The following ADAMTSL1 variants were observed in gnomAD, a reference collection of about 807,000 sequenced individuals.
The protein encoded by ADAMTSL1 is ADAMTS like 1, also known as ADAMTS-like protein 1.
ADAMTSL1 carries 126 observed loss-of-function variants against 201.8 expected under a neutral mutation model. The observed-to-expected ratio is 0.62, with a 90% confidence interval of 0.54 to 0.72. The LOEUF (loss-of-function observed/expected upper bound fraction) is 0.72, where lower values mean the gene tolerates loss of function less well. Ranked by LOEUF, ADAMTSL1 falls within the 30% of genes least tolerant of loss-of-function variation. The pLI, the probability that ADAMTSL1 is intolerant of heterozygous loss-of-function variation, is 0.00. For missense variants in ADAMTSL1, 2,679 were observed against 2,277.8 expected (o/e 1.18, Z -3.59); for synonymous variants, 1,121 against 903.4 (o/e 1.24, Z -4.32).
At chr9:18,218,314 C>G (rs898561685) in intron 2 of ADAMTSL1, among the ~76,000 whole-genome samples, 1 of 152,102 alleles carries the variant, frequency 6.6e-6, no homozygotes, top group Admixed American at 6.6e-5. Flanking sequence ...CTGGAATCAC[C>G]ACTGAGTGAG....
At chr9:18,054,858 G>A (rs969841299) in intron 1 of ADAMTSL1, among the ~76,000 whole-genome samples, 4 of 152,208 alleles carry the variant, frequency 2.6e-5, no homozygotes, top group Non-Finnish European at 5.9e-5. Flanking sequence ...GGAGGTGCTT[G>A]GTAATGTGTG....
intron 16 of ADAMTSL1, 31 bp from the exon 17 acceptor site, chr9:18,770,571 C>CTTT (rs756243198): frequency 1.3e-6 from 2 of 1,584,706 alleles, no homozygotes; most frequent in Non-Finnish European, 1.7e-6. Context: ...ATTGGGTCTA[C>CTTT]TTTTTCTTCT....
At chr9:18,217,070 A>G (rs1830081738) in intron 2 of ADAMTSL1, among the ~76,000 whole-genome samples, 1 of 152,108 alleles carries the variant, frequency 6.6e-6, no homozygotes, top group African/African-American at 2.4e-5. Context: ...AGTGACCAGG[A>G]AGCCCCTCTA....
At chr9:18,694,080 G>T (rs1831401376) in intron 13 of ADAMTSL1, among the ~76,000 whole-genome samples, 1 of 152,112 alleles carries the variant, frequency 6.6e-6, no homozygotes. Context: ...AGAGGGCAAA[G>T]GAGGAAGTGC....
At chr9:18,344,284 C>T (rs2132983174) in intron 2 of ADAMTSL1, among the ~76,000 whole-genome samples, 1 of 151,904 alleles carries the variant, frequency 6.6e-6, no homozygotes, top group East Asian at 1.9e-4. Flanking sequence ...GTAACCTTTT[C>T]CTTTTGCTGT....
chr9:18,325,099 G>T (rs1278868216), intron 2 of ADAMTSL1, among the ~76,000 whole-genome samples: 1 of 152,196 alleles, frequency 6.6e-6, no homozygotes, highest in Non-Finnish European at 1.5e-5. Flanking sequence ...CTAAGTGTTA[G>T]CAAGAATGCA....
chr9:18,889,465 C>A, intron 24 of ADAMTSL1, 103 bp from the exon 25 acceptor site: 1 of 1,305,514 alleles, frequency 7.7e-7, no homozygotes. Flanking sequence ...CTTCAGGCCA[C>A]AAATCCACCC....
At chr9:18,300,003 A>G (rs1833636622) in intron 2 of ADAMTSL1, among the ~76,000 whole-genome samples, 1 of 152,230 alleles carries the variant, frequency 6.6e-6, no homozygotes, top group Admixed American at 6.5e-5. Context: ...ACACTTTTAC[A>G]CTATTGGTGG....
chr9:18,261,086 G>A (rs1355960646), intron 2 of ADAMTSL1, among the ~76,000 whole-genome samples: 1 of 112,446 alleles, frequency 8.9e-6, no homozygotes, highest in African/African-American at 3.5e-5. Flanking sequence ...TGTGGGGCGG[G>A]GGGTGGGGGA....
At chr9:18,269,845 C>CTTTT (rs11376831) in intron 2 of ADAMTSL1, among the ~76,000 whole-genome samples, 1 of 145,558 alleles carries the variant, frequency 6.9e-6, no homozygotes, top group East Asian at 2.0e-4. Context: ...CCTCTTCATC[C>CTTTT]TTTTTTTTTT....
intron 2 of ADAMTSL1, among the ~76,000 whole-genome samples, chr9:18,430,673 A>G (rs1299074616): frequency 6.6e-6 from 1 of 152,222 alleles, no homozygotes; most frequent in African/African-American, 2.4e-5. Context: ...CCTCTATACC[A>G]GAGACACTAA....
chr9:17,948,036 G>C (rs897286790), intron 1 of ADAMTSL1, among the ~76,000 whole-genome samples: 2 of 152,106 alleles, frequency 1.3e-5, no homozygotes, highest in African/African-American at 4.8e-5. Context: ...GGTGGTAAAT[G>C]TCGACAAGCA....
intron 7 of ADAMTSL1, among the ~76,000 whole-genome samples, chr9:18,644,474 T>G (rs1331970155): frequency 6.6e-6 from 1 of 152,078 alleles, no homozygotes; most frequent in Non-Finnish European, 1.5e-5. Flanking sequence ...GGCATGCTGG[T>G]GTGCTGCACC....
At position 17,931,995 on chromosome 9, in the gene ADAMTSL1, A is replaced by G. The variant is rs546394668; in HGVS notation, c.87+25073A>G. On this transcript the variant is annotated intron_variant, in intron 1 of 29. Coordinates refer to the ADAMTSL1 transcript ENST00000680146. ...GTAGAGGCTGTGTGGAAATGGCTCA[A>G]TGGGACCCCTGCTGTTTGGAGAATT... Among the ~76,000 whole-genome samples the G allele has an allele frequency of 1.1e-4, 17 of 152,284 alleles. No homozygotes were observed. The East Asian group carries it at 2.1e-3, about 19-fold the overall frequency.
chr9:18,805,899 C>T (rs191515241), intron 20 of ADAMTSL1, among the ~76,000 whole-genome samples: 10 of 152,328 alleles, frequency 6.6e-5, no homozygotes, highest in African/African-American at 2.4e-4. Context: ...GCCTGCGGTC[C>T]TTGTGTCTGT....
At chr9:18,834,953 A>C (rs976314368) in intron 23 of ADAMTSL1, among the ~76,000 whole-genome samples, 6 of 152,212 alleles carry the variant, frequency 3.9e-5, no homozygotes, top group South Asian at 2.1e-4. Context: ...TTGTATGCAC[A>C]CATAGTTTCA....
intron 3 of ADAMTSL1, among the ~76,000 whole-genome samples, chr9:18,544,159 T>C (rs1219263868): frequency 6.6e-6 from 1 of 152,164 alleles, no homozygotes; most frequent in East Asian, 1.9e-4. Context: ...ATAGTATTCC[T>C]TTATAGAAAT....
At position 18,636,028 on chromosome 9, in the gene ADAMTSL1, C is replaced by T; in HGVS notation, c.676+11C>T. The T allele has an allele frequency of 1.9e-5, 29 of 1,563,862 alleles. No homozygotes were observed. Among genetic ancestry groups the T allele is most frequent in the Non-Finnish European group, 2.5e-5 (29 of 1,163,140 alleles). ...GTCCTGATCACTTATGTAAGTAACT[C>T]CATTGTTTTCCTTTGGGAATTGGGA... On this transcript the variant is annotated intron_variant, in intron 6 of 28. Transcript: ENST00000380548.
intron 14 of ADAMTSL1, among the ~76,000 whole-genome samples, chr9:18,719,677 T>C (rs559677476): frequency 6.6e-6 from 1 of 152,268 alleles, no homozygotes; most frequent in Admixed American, 6.5e-5. Context: ...TGGTTCTTTT[T>C]TTTAAAAAAT....
Sources: allele counts gnomAD v4.1 joint callset (sites outside exome capture counted in the v4.1 genomes callset), GRCh38; gene constraint gnomAD v4.1.1; transcripts MANE v1.5; gene names NCBI Gene and HGNC (gene_info 2026-07-23, HGNC 2026-07-21).